The following MCOLN2 variants were observed in gnomAD, a reference collection of about 807,000 sequenced individuals.
The protein encoded by MCOLN2 is mucolipin-2.
Under a neutral mutation model 67.5 loss-of-function variants are expected in MCOLN2, and 57 were observed. The observed-to-expected ratio is 0.84, with a 90% confidence interval of 0.68 to 1.05. The LOEUF is 1.05. MCOLN2 is among the 50% of genes least tolerant of loss of function. MCOLN2 has a pLI of 0.00. For synonymous variants in MCOLN2, 246 were observed against 233.3 expected (o/e 1.05, Z -0.50); for missense variants, 620 against 678.8 (o/e 0.91, Z 0.96).
At chr1:84,953,019 A>G (rs922994426) in intron 4 of MCOLN2, among the ~76,000 whole-genome samples, 2 of 152,230 alleles carry the variant, frequency 1.3e-5, no homozygotes, top group African/African-American at 2.4e-5. Context: ...AGTTGGGTGC[A>G]GTTTTCATTT....
chr1:84,930,056 A>G (rs1170551671), intron 12 of MCOLN2, among the ~76,000 whole-genome samples: 1 of 152,054 alleles, frequency 6.6e-6, no homozygotes, highest in East Asian at 1.9e-4. Context: ...TGAGCCCAGG[A>G]GTTTGAGACT....
At chr1:84,931,705 C>T (rs1353885513) in intron 11 of MCOLN2, 137 bp from the exon 12 acceptor site, 1 of 716,248 alleles carries the variant, frequency 1.4e-6, no homozygotes, top group African/African-American at 1.8e-5. Context: ...GCTAGAACAC[C>T]ATAAGAAGTA....
chr1:84,962,615 TCAGGCAAGGCC>T (rs1649149153), intron 2 of MCOLN2, among the ~76,000 whole-genome samples: 1 of 152,096 alleles, frequency 6.6e-6, no homozygotes, highest in Non-Finnish European at 1.5e-5. Flanking sequence ...TGCTGGATGG[TCAGGCAAGGCC>T]CAGTGGGGGA....
chr1:84,941,137 C>T, intron 7 of MCOLN2, 146 bp from the exon 8 acceptor site: 1 of 612,806 alleles, frequency 1.6e-6, no homozygotes, highest in Admixed American at 2.9e-5. Flanking sequence ...ACAAATCACA[C>T]CGCATTCATT....
At chr1:84,933,141 G>A (rs1055013684) in intron 11 of MCOLN2, among the ~76,000 whole-genome samples, 1 of 152,260 alleles carries the variant, frequency 6.6e-6, no homozygotes, top group East Asian at 1.9e-4. Context: ...TTAAGCCAAT[G>A]TTCAAGGGTC....
At chr1:84,974,878 G>A (rs975945419) in intron 1 of MCOLN2, among the ~76,000 whole-genome samples, 1 of 152,152 alleles carries the variant, frequency 6.6e-6, no homozygotes, top group Non-Finnish European at 1.5e-5. Flanking sequence ...GGCCTTAAGA[G>A]AACATAGTGG....
chr1:84,939,919 G>A (rs910135163), intron 8 of MCOLN2, among the ~76,000 whole-genome samples: 3 of 152,064 alleles, frequency 2.0e-5, no homozygotes, highest in African/African-American at 7.2e-5. Context: ...TATGAAATAC[G>A]TACGCGGTAA....
At chr1:84,928,919 AAACTGGC>A (rs1197474278) in intron 13 of MCOLN2, among the ~76,000 whole-genome samples, 1 of 152,258 alleles carries the variant, frequency 6.6e-6, no homozygotes, top group Non-Finnish European at 1.5e-5. Context: ...TTTTAGTTAC[AAACTGGC>A]ACCCCTGACT....
chr1:84,965,694 T>C lies in MCOLN2; in HGVS notation c.92A>G (p.His31Arg), dbSNP rs1454853821. 1 of 1,613,062 alleles carries C rather than the reference T, an allele frequency of 6.2e-7. No individual in the cohort carries two copies. Among genetic ancestry groups the C allele is most frequent in the East Asian group, 2.2e-5 (1 of 44,864 alleles). Residue 31 changes from histidine (H) to arginine (R), a missense_variant, in exon 2 of 14, where the codon CAT (histidine) becomes CGT (arginine). Physicochemically the swap from His to Arg is conservative, Grantham distance 29. Coordinates refer to ENST00000370608, the MANE Select transcript of MCOLN2 (RefSeq NM_153259.4). ...FRLTVRNAMA[H>R]RDSEMKEECL... ...TTCTTCTTTCATCTCAGAATCACGA[T>C]GTGCCATTGCATTTCTGCCACAGAA...
intron 11 of MCOLN2, among the ~76,000 whole-genome samples, chr1:84,934,722 TTAGAG>T (rs374397717): frequency 3.2e-4 from 49 of 152,288 alleles, no homozygotes; most frequent in African/African-American, 1.1e-3. Context: ...AAAAGCCGCA[TTAGAG>T]TAATGTTTAA....
chr1:84,946,914 T>C, intron 7 of MCOLN2, 119 bp downstream of exon 7: 1 of 594,598 alleles, frequency 1.7e-6, no homozygotes. Flanking sequence ...CAGGATCTAA[T>C]GCTCGAGGCG....
chr1:84,937,679 G>A (rs975152295), intron 11 of MCOLN2, 76 bp downstream of exon 11: 212 of 1,580,230 alleles, frequency 1.3e-4, no homozygotes, highest in Admixed American at 7.3e-5. Flanking sequence ...AGACCAGGAA[G>A]CAAGTAAGTG....
At chr1:84,992,636 C>T (rs1351335539) in intron 1 of MCOLN2, among the ~76,000 whole-genome samples, 1 of 152,200 alleles carries the variant, frequency 6.6e-6, no homozygotes, top group Non-Finnish European at 1.5e-5. Context: ...CAGATCACCA[C>T]AATAAAGCAA....
chr1:84,981,568 C>T (rs1175631125), intron 1 of MCOLN2, among the ~76,000 whole-genome samples: 5 of 152,048 alleles, frequency 3.3e-5, no homozygotes, highest in African/African-American at 4.8e-5. Context: ...AGGCAAATAC[C>T]GTATGTTCTC....
rs2102792484 is a variant in MCOLN2, at chr1:84,926,555, G to A, written c.*130C>T. The A allele has an allele frequency of 3.6e-6, 2 of 551,022 alleles. No homozygotes were observed. The highest frequency in any genetic ancestry group is 1.9e-5 in the African/African-American group (1 of 52,178). The allele number at this position is 551,022 out of a possible 1,614,324, so 34.1% of individuals were successfully genotyped here. ...TTCAGTCATGGTCAGCTGGCTAACT[G>A]TGAGTCCTCTTTCCCACTCCACAAT... On this transcript the variant is annotated 3_prime_UTR_variant, in exon 14 of 14. Coordinates refer to ENST00000370608, the MANE Select transcript of MCOLN2 (RefSeq NM_153259.4).
chr1:84,975,123 G>A (rs1258910203), intron 1 of MCOLN2, among the ~76,000 whole-genome samples: 2 of 152,200 alleles, frequency 1.3e-5, no homozygotes, highest in African/African-American at 4.8e-5. Flanking sequence ...CAGCATCCTG[G>A]AGGGAAGAAC....
chr1:84,962,910 A>G (rs966679039), intron 2 of MCOLN2, among the ~76,000 whole-genome samples: 1 of 152,238 alleles, frequency 6.6e-6, no homozygotes, highest in Non-Finnish European at 1.5e-5. Flanking sequence ...CTATTCTACG[A>G]AAAATTAAGC....
chr1:84,949,367 G>A (rs559465992), intron 6 of MCOLN2, among the ~76,000 whole-genome samples: 13 of 152,296 alleles, frequency 8.5e-5, no homozygotes, highest in East Asian at 1.9e-4. Flanking sequence ...GGCCGGGCGC[G>A]GTGGCTCACG....
chr1:84,964,534 G>GC (rs1235597647), intron 2 of MCOLN2, among the ~76,000 whole-genome samples: 2 of 145,448 alleles, frequency 1.4e-5, no homozygotes, highest in East Asian at 4.4e-4. Context: ...AGTGGGGGGG[G>GC]GTGGGTAATG....
Sources: gnomAD v4.1 joint callset for allele counts (sites outside exome capture counted in the v4.1 genomes callset) on GRCh38, gnomAD v4.1.1 for gene constraint, MANE v1.5 for transcripts, NCBI Gene and HGNC (gene_info 2026-07-23, HGNC 2026-07-21) for gene names.